Variants in PSMF1 observed in about 807,000 individuals in gnomAD.
PSMF1 encodes proteasome inhibitor PI31 subunit.
In PSMF1, 30 loss-of-function variants were observed where a neutral mutation model predicts 29.3. That is an observed-to-expected ratio of 1.02 (90% confidence interval 0.77 to 1.39). The LOEUF is 1.39. Ranked by LOEUF, PSMF1 falls within the 40% of genes most tolerant of loss-of-function variation. PSMF1 has a pLI of 0.00. For missense variants in PSMF1, 344 were observed against 357.5 expected, an observed-to-expected ratio of 0.96 and a Z score of 0.31; for synonymous variants, 134 against 139.7, an observed-to-expected ratio of 0.96 and a Z score of 0.29.
intron 4 of PSMF1, among the ~76,000 whole-genome samples, chr20:1,159,804 T>C (rs935570880): frequency 4.6e-5 from 7 of 152,320 alleles, no homozygotes; most frequent in Admixed American, 1.3e-4. Context: ...CCTGGCCTTG[T>C]CCATTTAAAT....
At chr20:1,146,805 A>G (rs1337267538) in intron 4 of PSMF1, among the ~76,000 whole-genome samples, 2 of 152,196 alleles carry the variant, frequency 1.3e-5, no homozygotes, top group Non-Finnish European at 2.9e-5. Context: ...GAATAATTAT[A>G]GCTGTGTCAA....
In PSMF1 at chr20:1,165,386, C is replaced by T; in HGVS notation, c.*306C>T. ...TCCGGCAACCTTCAGCAACATATATCCTCGACCAGATGCAGTGCTATAAGA... is the reference window on the plus strand; with the variant it reads ...TCCGGCAACCTTCAGCAACATATATTCTCGACCAGATGCAGTGCTATAAGA... On this transcript the variant is annotated 3_prime_UTR_variant, in exon 7 of 7. Transcript: ENST00000335877. 3 of 1,295,336 alleles carry T rather than the reference C, an allele frequency of 2.3e-6. No individual in the cohort carries two copies. The highest frequency in any genetic ancestry group is 2.9e-6 in the Non-Finnish European group (3 of 1,019,642). 80.2% of individuals were successfully genotyped at this position (1,295,336 alleles called of 1,614,324 possible).
At chr20:1,133,569 A>ATATATATATATATATATATATATATATTT in intron 3 of PSMF1, among the ~76,000 whole-genome samples, 12 of 53,282 alleles carry the variant, frequency 2.3e-4, no homozygotes, top group Admixed American at 3.9e-4. Flanking sequence ...ATATATATAT[A>ATATATATATATATATATATATATATATTT]TTTTTTTTTT....
At chr20:1,125,855 A>T in intron 2 of PSMF1, 1 of 729,540 alleles carries the variant, frequency 1.4e-6, no homozygotes. Flanking sequence ...GGAATTAAGA[A>T]GGAGGGGCTT....
In PSMF1 at chr20:1,169,912, G is replaced by A. The variant is rs998852640; in HGVS notation, c.*4832G>A. Among the ~76,000 whole-genome samples, 4 of 152,228 alleles carry A rather than the reference G, an allele frequency of 2.6e-5. No individual in the cohort carries two copies. The highest frequency in any genetic ancestry group is 3.4e-3 in the Middle Eastern group (1 of 294). ...TGAGCCAATCTTCTGTGTTGTCTACGCCATGGACCATGATATAAATGGGTA... is the reference window on the plus strand; with the variant it reads ...TGAGCCAATCTTCTGTGTTGTCTACACCATGGACCATGATATAAATGGGTA... On this transcript the variant is annotated 3_prime_UTR_variant, in exon 7 of 7. Coordinates refer to ENST00000335877, the MANE Select transcript of PSMF1 (RefSeq NM_006814.5).
At chr20:1,144,331 G>A (rs893780046) in intron 4 of PSMF1, among the ~76,000 whole-genome samples, 18 of 152,212 alleles carry the variant, frequency 1.2e-4, no homozygotes, top group Non-Finnish European at 1.9e-4. Flanking sequence ...TGGTGGGCAT[G>A]TCAAATGTTA....
chr20:1,149,623 TAAAAACA>T (rs751924342), intron 4 of PSMF1, among the ~76,000 whole-genome samples: 61 of 152,280 alleles, frequency 4.0e-4, no homozygotes, highest in Middle Eastern at 6.8e-3. Context: ...TTCTTTCAAG[TAAAAACA>T]AAAAACAAAA....
At position 1,171,159 on chromosome 20, in the gene PSMF1, C is replaced by G. The variant is rs1329608993; in HGVS notation, c.*6079C>G. Among the ~76,000 whole-genome samples the G allele has an allele frequency of 6.6e-6, 1 of 152,140 alleles. No individual in the cohort carries two copies. The highest frequency in any genetic ancestry group is 2.1e-4 in the South Asian group (1 of 4,828). ...TAATCCCCAGGATGGTCTTAAGGCT[C>G]CTCAGTCAGTCCTATTTGCACAGCG... is the stretch of plus-strand genomic sequence containing the variant. On this transcript the variant is annotated 3_prime_UTR_variant, in exon 7 of 7. Transcript: ENST00000335877.
chr20:1,168,052 T>C lies in PSMF1; in HGVS notation c.*2972T>C, dbSNP rs1568487298. ...CTAGTTAGCGTGAAGTAGCATCTCA[T>C]TGTGGTCTTCTCTTCCATTTTTTAA... is the stretch of plus-strand genomic sequence containing the variant. On this transcript the variant is annotated 3_prime_UTR_variant, in exon 7 of 7. Coordinates refer to ENST00000335877, the MANE Select transcript of PSMF1 (RefSeq NM_006814.5). 1 of 152,254 alleles carries C rather than the reference T, an allele frequency of 6.6e-6. No individual in the cohort carries two copies. Among genetic ancestry groups the C allele is most frequent in the Non-Finnish European group, 1.5e-5 (1 of 68,038 alleles). The allele number at this position is 152,254 out of a possible 1,614,324, so 9.4% of individuals were successfully genotyped here. A position where few individuals can be genotyped will look rare whatever the true frequency, so the allele number is the denominator to read the frequency against.
intron 4 of PSMF1, among the ~76,000 whole-genome samples, chr20:1,157,578 GCTTT>G (rs1285641582): frequency 8.3e-6 from 1 of 119,834 alleles, no homozygotes; most frequent in Admixed American, 8.0e-5. Context: ...AAATGAAGAT[GCTTT>G]CTTAATTAAG....
intron 4 of PSMF1, among the ~76,000 whole-genome samples, chr20:1,151,598 T>C (rs1176585528): frequency 6.6e-6 from 1 of 152,222 alleles, no homozygotes; most frequent in Non-Finnish European, 1.5e-5. Flanking sequence ...ATGTGCCACT[T>C]ACTGGGAATA....
At chr20:1,133,571 T>TATATATATATATATATATATATA (rs1568469077) in intron 3 of PSMF1, among the ~76,000 whole-genome samples, 4 of 44,126 alleles carry the variant, frequency 9.1e-5, no homozygotes, top group African/African-American at 2.5e-4. Context: ...ATATATATAT[T>TATATATATATATATATATATATA]TTTTTTTTTT....
intron 4 of PSMF1, among the ~76,000 whole-genome samples, chr20:1,138,358 A>G (rs1436473815): frequency 6.6e-6 from 1 of 152,158 alleles, no homozygotes; most frequent in Non-Finnish European, 1.5e-5. Context: ...AAGATACCAT[A>G]TCAATAGAAC....
chr20:1,127,210 G>A (rs1600143707), intron 2 of PSMF1: 2 of 716,398 alleles, frequency 2.8e-6, no homozygotes, highest in East Asian at 5.0e-5. Context: ...AGCCTGGGAA[G>A]TAGGTGTTTT....
In PSMF1 at chr20:1,169,474, C is replaced by T. The variant is rs2086768540; in HGVS notation, c.*4394C>T. Among the ~76,000 whole-genome samples, 1 of 152,172 alleles carries T rather than the reference C, an allele frequency of 6.6e-6. No individual in the cohort carries two copies. Among genetic ancestry groups the T allele is most frequent in the South Asian group, 2.1e-4 (1 of 4,830 alleles). ...AACAGCTGCGTTCCAGATGAGCCAC[C>T]TAAGGTGGATGTTGTGAGAGTCACA... On this transcript the variant is annotated 3_prime_UTR_variant, in exon 7 of 7. Transcript: ENST00000335877.
At chr20:1,136,780 G>A (rs1405370585) in intron 4 of PSMF1, among the ~76,000 whole-genome samples, 1 of 152,182 alleles carries the variant, frequency 6.6e-6, no homozygotes, top group Non-Finnish European at 1.5e-5. Flanking sequence ...ACAAAACTCT[G>A]TTGCTGTTAC....
chr20:1,129,000 C>T (rs1294830532), intron 3 of PSMF1, among the ~76,000 whole-genome samples: 3 of 152,108 alleles, frequency 2.0e-5, no homozygotes, highest in East Asian at 1.9e-4. Flanking sequence ...CTCAGCCTCC[C>T]GAGTAGCTGG....
chr20:1,116,913 T>C (rs1236373636), upstream of PSMF1, among the ~76,000 whole-genome samples: 1 of 151,982 alleles, frequency 6.6e-6, no homozygotes, highest in Non-Finnish European at 1.5e-5. Flanking sequence ...CATGCAGATA[T>C]CTGGGAAAAG....
At chr20:1,146,856 T>TG (rs1396076005) in intron 4 of PSMF1, among the ~76,000 whole-genome samples, 3 of 152,232 alleles carry the variant, frequency 2.0e-5, no homozygotes, top group African/African-American at 4.8e-5. Flanking sequence ...TATCACATGT[T>TG]GACATTCAGT....
Sources: gnomAD v4.1 joint callset for allele counts (sites outside exome capture counted in the v4.1 genomes callset) on GRCh38, gnomAD v4.1.1 for gene constraint, MANE v1.5 for transcripts, NCBI Gene and HGNC (gene_info 2026-07-23, HGNC 2026-07-21) for gene names.